STPG2: variants seen among roughly 807,000 people sequenced by gnomAD.
STPG2 encodes the protein sperm tail PG-rich repeat containing 2.
Under a neutral mutation model 54.2 loss-of-function variants are expected in STPG2, and 56 were observed. The observed-to-expected ratio is 1.03, with a 90% confidence interval of 0.83 to 1.29. The LOEUF (loss-of-function observed/expected upper bound fraction) is 1.29. Among genes scored for constraint, STPG2 ranks in the 50% most tolerant of loss-of-function variants. STPG2 has a pLI of 0.00. For missense variants in STPG2, 596 were observed against 544.9 expected, an observed-to-expected ratio of 1.09 and a Z score of -0.93; for synonymous variants, 200 against 181.8, an observed-to-expected ratio of 1.10 and a Z score of -0.81.
At chr4:97,890,243 T>C (rs1730716970) in intron 8 of STPG2, among the ~76,000 whole-genome samples, 1 of 152,036 alleles carries the variant, frequency 6.6e-6, no homozygotes, top group Non-Finnish European at 1.5e-5. Flanking sequence ...GGAGAGAGAT[T>C]GATGGGTGAA....
intron 9 of STPG2, among the ~76,000 whole-genome samples, chr4:97,742,684 C>T (rs1725298636): frequency 6.6e-6 from 1 of 151,002 alleles, no homozygotes; most frequent in Admixed American, 6.6e-5. Flanking sequence ...AAAGCAAATA[C>T]TGCATGATTT....
intron 5 of STPG2, among the ~76,000 whole-genome samples, chr4:98,002,150 T>C (rs1250773947): frequency 2.0e-5 from 3 of 151,914 alleles, no homozygotes; most frequent in Admixed American, 6.6e-5. Flanking sequence ...AGTAGCAGGG[T>C]TTCATGATCT....
chr4:97,489,369 A>C (rs927149708), intron 4 of STPG2, among the ~76,000 whole-genome samples: 5 of 151,800 alleles, frequency 3.3e-5, no homozygotes, highest in Non-Finnish European at 1.5e-5. Context: ...GTCAGAAATC[A>C]GAGGTTTATT....
At chr4:97,913,314 A>G (rs1327489802) in intron 8 of STPG2, among the ~76,000 whole-genome samples, 1 of 152,166 alleles carries the variant, frequency 6.6e-6, no homozygotes, top group Non-Finnish European at 1.5e-5. Flanking sequence ...CTTGAGCTGT[A>G]TTTTCCAATA....
intron 4 of STPG2, among the ~76,000 whole-genome samples, chr4:97,449,303 G>A (rs1729307674): frequency 6.6e-6 from 1 of 152,068 alleles, no homozygotes; most frequent in African/African-American, 2.4e-5. Flanking sequence ...TTCCAGATGT[G>A]CCTTCTCTCA....
chr4:97,559,359 C>T (rs1732164369), intron 10 of STPG2, among the ~76,000 whole-genome samples: 1 of 152,062 alleles, frequency 6.6e-6, no homozygotes, highest in South Asian at 2.1e-4. Flanking sequence ...TTATTTTTTA[C>T]TTCAAGTAGG....
chr4:97,698,766 C>A (rs1027170167), intron 10 of STPG2, among the ~76,000 whole-genome samples: 1 of 152,076 alleles, frequency 6.6e-6, no homozygotes, highest in Non-Finnish European at 1.5e-5. Context: ...ACCTAGTCGG[C>A]GTTGTAATTG....
At chr4:97,573,620 T>C (rs1469764042) in intron 10 of STPG2, among the ~76,000 whole-genome samples, 1 of 152,114 alleles carries the variant, frequency 6.6e-6, no homozygotes, top group East Asian at 1.9e-4. Context: ...TGCACTCTTC[T>C]ATGGGGAGAA....
intron 8 of STPG2, among the ~76,000 whole-genome samples, chr4:97,911,533 A>T (rs1485235244): frequency 6.6e-6 from 1 of 152,116 alleles, no homozygotes; most frequent in East Asian, 1.9e-4. Flanking sequence ...CCAGATTGGG[A>T]GGAATTCCCC....
intron 10 of STPG2, among the ~76,000 whole-genome samples, chr4:97,559,397 A>T (rs1732165323): frequency 6.6e-6 from 1 of 152,196 alleles, no homozygotes; most frequent in Non-Finnish European, 1.5e-5. Context: ...TACTTGTAAT[A>T]GTCTGTTGTC....
intron 4 of STPG2, among the ~76,000 whole-genome samples, chr4:97,499,201 A>G (rs1193364756): frequency 6.6e-6 from 1 of 152,010 alleles, no homozygotes; most frequent in Non-Finnish European, 1.5e-5. Flanking sequence ...ATGAAAGAGC[A>G]AAAAACCAAG....
chr4:97,554,175 C>G (rs1417099911), downstream of STPG2, among the ~76,000 whole-genome samples: 3 of 152,160 alleles, frequency 2.0e-5, no homozygotes, highest in Non-Finnish European at 4.4e-5. Flanking sequence ...AGAGCAACTT[C>G]TTCCTCCTCA....
chr4:98,046,760 A>G (rs1484136747), intron 5 of STPG2, among the ~76,000 whole-genome samples: 2 of 151,470 alleles, frequency 1.3e-5, no homozygotes, highest in Non-Finnish European at 2.9e-5. Context: ...AAACATCTCC[A>G]CTCTCATTCA....
intron 4 of STPG2, among the ~76,000 whole-genome samples, chr4:97,465,896 G>C (rs1423902762): frequency 6.6e-6 from 1 of 151,872 alleles, no homozygotes; most frequent in Admixed American, 6.6e-5. Context: ...TAATGTTCTT[G>C]AGTATATTAA....
intron 10 of STPG2, among the ~76,000 whole-genome samples, chr4:97,665,349 T>C (rs115692594): frequency 8.6e-4 from 131 of 152,260 alleles, no homozygotes; most frequent in African/African-American, 3.0e-3. Context: ...GAAGCTTTAT[T>C]GAGCAATAGA....
At chr4:97,446,790 C>T (rs1208641593) in intron 4 of STPG2, among the ~76,000 whole-genome samples, 1 of 152,182 alleles carries the variant, frequency 6.6e-6, no homozygotes, top group Non-Finnish European at 1.5e-5. Context: ...CCAAGGCCTC[C>T]CCAGCCATGC....
At chr4:97,964,410 G>A (rs1255798375) in intron 7 of STPG2, among the ~76,000 whole-genome samples, 1 of 152,122 alleles carries the variant, frequency 6.6e-6, no homozygotes, top group Non-Finnish European at 1.5e-5. Flanking sequence ...TAAAAAGGAG[G>A]TGCAAGCAAA....
intron 10 of STPG2, among the ~76,000 whole-genome samples, chr4:97,709,501 GAATT>G (rs1034208181): frequency 2.0e-4 from 19 of 95,562 alleles, no homozygotes; most frequent in African/African-American, 7.8e-4. Context: ...CTCATAAAAT[GAATT>G]GTTATTGAAC....
At chr4:97,698,796 C>T (rs1723670477) in intron 10 of STPG2, among the ~76,000 whole-genome samples, 1 of 152,148 alleles carries the variant, frequency 6.6e-6, no homozygotes. Flanking sequence ...AAGGCCATTC[C>T]ACTATTCTAT....
Sources: gnomAD v4.1 joint callset for allele counts (sites outside exome capture counted in the v4.1 genomes callset) on GRCh38, gnomAD v4.1.1 for gene constraint, MANE v1.5 for transcripts, NCBI Gene and HGNC (gene_info 2026-07-23, HGNC 2026-07-21) for gene names.